The following GRIP1 variants were observed in gnomAD, a reference collection of about 807,000 sequenced individuals.
GRIP1 encodes glutamate receptor-interacting protein 1.
A neutral mutation model predicts 129.9 loss-of-function variants in GRIP1; 45 were observed. The observed-to-expected ratio is 0.35, with a 90% confidence interval of 0.27 to 0.44. The LOEUF is 0.44. Among genes scored for constraint, GRIP1 ranks in the 20% least tolerant of loss-of-function variants. The pLI, the probability that GRIP1 is intolerant of heterozygous loss-of-function variation, is 1.00. For missense variants in GRIP1, 1,196 were observed against 1,396.8 expected (o/e 0.86, Z 2.29); for synonymous variants, 530 against 520.8 (o/e 1.02, Z -0.24).
At chr12:66,792,953 T>A (rs2038588003) in intron 1 of GRIP1, among the ~76,000 whole-genome samples, 1 of 152,192 alleles carries the variant, frequency 6.6e-6, no homozygotes, top group Non-Finnish European at 1.5e-5. Flanking sequence ...TTGAGAAATA[T>A]TTCCTATCAG....
intron 1 of GRIP1, among the ~76,000 whole-genome samples, chr12:66,701,067 G>C (rs1309340076): frequency 6.6e-6 from 1 of 152,142 alleles, no homozygotes; most frequent in Non-Finnish European, 1.5e-5. Context: ...CTAGTGAATA[G>C]AAGATTGGGT....
chr12:66,591,623 TG>T (rs1272403472), intron 2 of GRIP1, among the ~76,000 whole-genome samples: 1 of 152,186 alleles, frequency 6.6e-6, no homozygotes, highest in African/African-American at 2.4e-5. Flanking sequence ...TCATTTTTTT[TG>T]TTTATTTTTA....
chr12:66,768,999 G>A (rs997831742), intron 1 of GRIP1, among the ~76,000 whole-genome samples: 1 of 152,218 alleles, frequency 6.6e-6, no homozygotes, highest in Non-Finnish European at 1.5e-5. Flanking sequence ...ACAGCACTTC[G>A]CCTCCCTAAT....
At chr12:66,917,447 T>C (rs771573751) in intron 1 of GRIP1, among the ~76,000 whole-genome samples, 1 of 152,234 alleles carries the variant, frequency 6.6e-6, no homozygotes, top group Non-Finnish European at 1.5e-5. Context: ...TCAAAGAGCA[T>C]CTATTCTTAA....
chr12:66,977,807 ATTTTTTTTTT>A (rs200381983), intron 1 of GRIP1, among the ~76,000 whole-genome samples: 106 of 60,276 alleles, frequency 1.8e-3, no homozygotes, highest in South Asian at 3.7e-3. Flanking sequence ...AGAGCTGAGC[ATTTTTTTTTT>A]TTTTTTTTTT....
intron 1 of GRIP1, among the ~76,000 whole-genome samples, chr12:66,984,296 G>T (rs997872171): frequency 6.6e-6 from 1 of 152,194 alleles, no homozygotes; most frequent in Non-Finnish European, 1.5e-5. Flanking sequence ...ATCTGACGAA[G>T]ATAAATCTGG....
At chr12:66,605,378 T>C (rs1384824813) in intron 1 of GRIP1, among the ~76,000 whole-genome samples, 1 of 152,164 alleles carries the variant, frequency 6.6e-6, no homozygotes. Context: ...TTCTTTTACA[T>C]GACATTACTG....
intron 1 of GRIP1, among the ~76,000 whole-genome samples, chr12:66,752,207 G>T (rs539273463): frequency 6.6e-6 from 1 of 152,172 alleles, no homozygotes; most frequent in African/African-American, 2.4e-5. Flanking sequence ...TTAAGACACA[G>T]TGGAGGCTCT....
chr12:66,930,196 G>A lies in GRIP1; in HGVS notation c.58+138854C>T, dbSNP rs537839981. The stretch of plus-strand genomic sequence containing the variant: ...ATGTATACATGTGCCATGCTGGTGC[G>A]CTGCACCCACTAACTCGTCATCTAG... On this transcript the variant is annotated intron_variant, in intron 1 of 1. Coordinates refer to the GRIP1 transcript ENST00000643019. 3.2e-3 allele frequency among the ~76,000 whole-genome samples: 479 copies of A among 147,808 alleles called. 3 individuals carry two copies. The highest frequency in any genetic ancestry group is 5.2e-3 in the Non-Finnish European group (350 of 67,010).
intron 1 of GRIP1, among the ~76,000 whole-genome samples, chr12:66,748,859 AT>A (rs1436476018): frequency 6.6e-6 from 1 of 152,200 alleles, no homozygotes; most frequent in Non-Finnish European, 1.5e-5. Context: ...TAAAACATGC[AT>A]TCTATAAAAC....
At chr12:66,883,601 T>A (rs541647840) in intron 1 of GRIP1, among the ~76,000 whole-genome samples, 2 of 152,174 alleles carry the variant, frequency 1.3e-5, no homozygotes, top group Admixed American at 1.3e-4. Context: ...CCCAGGTTCC[T>A]CCTTTAGTGT....
chr12:66,903,121 C>CA (rs34598070), intron 1 of GRIP1, among the ~76,000 whole-genome samples: 39,388 of 151,854 alleles, frequency 0.26, 5,494 homozygotes, highest in East Asian at 0.45. Flanking sequence ...TGTTAATTCA[C>CA]TTTAATGACT....
intron 1 of GRIP1, among the ~76,000 whole-genome samples, chr12:66,618,190 G>A (rs2065124069): frequency 6.6e-6 from 1 of 152,268 alleles, no homozygotes; most frequent in Admixed American, 6.5e-5. Flanking sequence ...GAAATCAGTA[G>A]GTGTAGTGAC....
intron 15 of GRIP1, among the ~76,000 whole-genome samples, chr12:66,415,842 T>G (rs2057580294): frequency 6.6e-6 from 1 of 152,152 alleles, no homozygotes; most frequent in South Asian, 2.1e-4. Context: ...CACTGCATGT[T>G]GTCACTTATA....
At chr12:66,525,521 G>C (rs2061198810) in intron 5 of GRIP1, among the ~76,000 whole-genome samples, 1 of 151,242 alleles carries the variant, frequency 6.6e-6, no homozygotes, top group Non-Finnish European at 1.5e-5. Flanking sequence ...GGTATTGATG[G>C]GACATATCTC....
At chr12:66,841,449 A>C (rs979611165) in intron 1 of GRIP1, among the ~76,000 whole-genome samples, 17 of 152,228 alleles carry the variant, frequency 1.1e-4, no homozygotes, top group African/African-American at 4.1e-4. Flanking sequence ...TTAAACATAT[A>C]TCACCATCTA....
In GRIP1 at chr12:66,722,590, GA is replaced by G. The variant is rs1460035238; in HGVS notation, c.-420+81462del. On this transcript the variant is annotated intron_variant, in intron 1 of 4. Coordinates refer to the GRIP1 transcript ENST00000538373. ...GACACGAAGTGAACACATGCTGTTG[GA>G]AAAATGGTGTTGATAGATTAGCTCA... 4.6e-5 allele frequency among the ~76,000 whole-genome samples: 7 copies of G among 152,132 alleles called. No homozygotes were observed. In the East Asian group the frequency reaches 1.2e-3, roughly 25 times the overall value.
intron 1 of GRIP1, among the ~76,000 whole-genome samples, chr12:66,973,991 C>T (rs1385716312): frequency 2.1e-5 from 3 of 141,072 alleles, no homozygotes; most frequent in East Asian, 4.0e-4. Context: ...GGCGTGATCT[C>T]GGCTCACTGC....
intron 1 of GRIP1, among the ~76,000 whole-genome samples, chr12:67,006,048 A>G (rs1342188454): frequency 6.6e-6 from 1 of 152,168 alleles, no homozygotes; most frequent in Non-Finnish European, 1.5e-5. Flanking sequence ...TGAGGATTGG[A>G]TTAGGTAGCA....
Sources: gnomAD v4.1 joint callset for allele counts (sites outside exome capture counted in the v4.1 genomes callset) on GRCh38, gnomAD v4.1.1 for gene constraint, MANE v1.5 for transcripts, NCBI Gene and HGNC (gene_info 2026-07-23, HGNC 2026-07-21) for gene names.